The following SHANK2 variants were observed in gnomAD, a reference collection of about 807,000 sequenced individuals.
SHANK2 encodes SH3 and multiple ankyrin repeat domains protein 2.
A neutral mutation model predicts 133.7 loss-of-function variants in SHANK2; 43 were observed. The ratio of observed to expected loss-of-function variants is 0.32; its 90% CI spans 0.25 to 0.41. The LOEUF (loss-of-function observed/expected upper bound fraction) is 0.41, where lower values mean the gene tolerates loss of function less well. Among genes scored for constraint, SHANK2 ranks in the 10% least tolerant of loss-of-function variants. SHANK2 has a pLI of 1.00. For missense variants in SHANK2, 1,994 were observed against 2,235.8 expected (o/e 0.89, Z 2.18); for synonymous variants, 1,017 against 952.8 (o/e 1.07, Z -1.24).
chr11:70,867,936 A>G (rs921232737), intron 11 of SHANK2, among the ~76,000 whole-genome samples: 1 of 152,164 alleles, frequency 6.6e-6, no homozygotes, highest in Non-Finnish European at 1.5e-5. Context: ...GTTTGCTACC[A>G]CTTAATTCCA....
In SHANK2 at chr11:70,737,621, G is replaced by A. The variant is rs117408693; in HGVS notation, c.1778-38858C>T. On this transcript the variant is annotated intron_variant, in intron 14 of 25. Coordinates refer to ENST00000601538, the MANE Select transcript of SHANK2 (RefSeq NM_012309.5). ...GGAGACTGTCTGCAAAGGCTTCCGC[G>A]CTCCCTGACCCTCTAGAGAGGGCAG... is the stretch of plus-strand genomic sequence containing the variant. Among the ~76,000 whole-genome samples the A allele has an allele frequency of 5.4e-3, 830 of 152,300 alleles. 9 individuals are homozygous for A. The highest frequency in any genetic ancestry group is 0.01 in the Middle Eastern group (3 of 294).
rs1292300129 is a variant in SHANK2, at chr11:70,500,690, C to T, written c.2288-100G>A. Reference sequence around the variant, plus strand: ...CAGCTCAGGGCGCCTCAGGAGCAGGCTGGGCCGGCAATGGGGCGGCAGGCA... The same window carrying T: ...CAGCTCAGGGCGCCTCAGGAGCAGGTTGGGCCGGCAATGGGGCGGCAGGCA... On this transcript the variant is annotated intron_variant, in intron 20 of 25. Transcript: ENST00000601538. This position sits in a 1 kb window ranked among gnomAD's most constrained non-coding sequence, Gnocchi z 4.5. The T allele has an allele frequency of 2.0e-6, 3 of 1,511,886 alleles. No individual in the cohort carries two copies. Among genetic ancestry groups the T allele is most frequent in the Middle Eastern group, 1.7e-4 (1 of 5,918 alleles). 93.7% of individuals were successfully genotyped at this position (1,511,886 alleles called of 1,614,324 possible). A position where few individuals can be genotyped will look rare whatever the true frequency, so the allele number is the denominator to read the frequency against.
chr11:70,636,566 T>C (rs577575870), intron 17 of SHANK2, among the ~76,000 whole-genome samples: 59 of 65,760 alleles, frequency 9.0e-4, no homozygotes, highest in African/African-American at 4.4e-3. Context: ...TACATGTGCA[T>C]GTGTGTGTAT....
At chr11:70,515,530 G>C (rs181794107) in intron 17 of SHANK2, among the ~76,000 whole-genome samples, 1 of 151,092 alleles carries the variant, frequency 6.6e-6, no homozygotes, top group Non-Finnish European at 1.5e-5. Context: ...AGCCCGGAGC[G>C]GTGGCTCATG....
chr11:71,083,662 G>T (rs972900862), intron 8 of SHANK2, among the ~76,000 whole-genome samples: 3 of 152,142 alleles, frequency 2.0e-5, no homozygotes, highest in Non-Finnish European at 4.4e-5. Flanking sequence ...GGAAGGTACC[G>T]GGGTTCAGCA....
chr11:70,928,599 A>T (rs1427500628), intron 10 of SHANK2, among the ~76,000 whole-genome samples: 1 of 152,198 alleles, frequency 6.6e-6, no homozygotes, highest in African/African-American at 2.4e-5. Flanking sequence ...GTTTCAAAGC[A>T]GATCCCTGGG....
At chr11:70,632,562 T>C (rs1333103892) in intron 17 of SHANK2, among the ~76,000 whole-genome samples, 4 of 152,116 alleles carry the variant, frequency 2.6e-5, no homozygotes, top group African/African-American at 7.2e-5. Context: ...GTGATTGTTT[T>C]ATAGAACCGC....
intron 2 of SHANK2, among the ~76,000 whole-genome samples, chr11:71,221,084 C>T (rs1164772561): frequency 6.6e-6 from 1 of 151,752 alleles, no homozygotes; most frequent in Non-Finnish European, 1.5e-5. Context: ...GCCTGTAGTC[C>T]CAGCTACACA....
At chr11:70,816,983 TG>T (rs1948412411) in intron 12 of SHANK2, among the ~76,000 whole-genome samples, 1 of 152,184 alleles carries the variant, frequency 6.6e-6, no homozygotes, top group Non-Finnish European at 1.5e-5. Flanking sequence ...AAGCAAACAA[TG>T]TGCAGTGAAC....
chr11:70,612,543 G>A (rs529674978), intron 17 of SHANK2, among the ~76,000 whole-genome samples: 3 of 152,248 alleles, frequency 2.0e-5, no homozygotes, highest in African/African-American at 7.2e-5. Flanking sequence ...CTTTCTGATG[G>A]AACTTCATCC....
intron 1 of SHANK2, among the ~76,000 whole-genome samples, chr11:71,246,230 C>G (rs546908068): frequency 1.6e-3 from 238 of 152,198 alleles, no homozygotes; most frequent in Non-Finnish European, 3.1e-3. Flanking sequence ...TCCTTGGGCC[C>G]TAAGCCTCCC....
At position 71,148,146 on chromosome 11, in the gene SHANK2, G is replaced by A. The variant is rs548482337; in HGVS notation, c.-12-808C>T. On this transcript the variant is annotated intron_variant, in intron 2 of 25. Transcript: ENST00000601538. Reference sequence around the variant, plus strand: ...GTCGCCCAGGCTGGAGTGCAATGGCGTGATCTCGGCTCACCGCAACCTCCG... The same window carrying A: ...GTCGCCCAGGCTGGAGTGCAATGGCATGATCTCGGCTCACCGCAACCTCCG... Among the ~76,000 whole-genome samples the A allele has an allele frequency of 2.7e-4, 41 of 151,486 alleles. No homozygotes were observed. The South Asian group carries it at 6.5e-3, about 24-fold the overall frequency.
chr11:70,954,341 T>A lies in SHANK2; in HGVS notation c.1108-57774A>T, dbSNP rs529437738. ...GTGTCAGGCAGCCTTCATCACGGAC[T>A]GTCCCTCAACCACACAGTTGCCTCC... On this transcript the variant is annotated intron_variant, in intron 10 of 25. Transcript: ENST00000601538. Among the ~76,000 whole-genome samples the A allele has an allele frequency of 2.0e-5, 3 of 152,322 alleles. No homozygotes were observed. In the South Asian group the frequency reaches 6.2e-4, roughly 32 times the overall value.
intron 11 of SHANK2, chr11:70,864,408 C>T (rs1555068603): frequency 6.5e-6 from 1 of 152,996 alleles, no homozygotes; most frequent in African/African-American, 2.4e-5. Context: ...AGTCCCAGGG[C>T]CGCGGGGACT....
At chr11:70,757,164 A>T (rs192117045) in intron 14 of SHANK2, among the ~76,000 whole-genome samples, 14 of 152,354 alleles carry the variant, frequency 9.2e-5, no homozygotes, top group Admixed American at 2.6e-4. Context: ...CCTGAGCAGG[A>T]GAGACAGGAA....
At chr11:71,152,997 G>A (rs11232299) in intron 2 of SHANK2, among the ~76,000 whole-genome samples, 12,904 of 152,202 alleles carry the variant, frequency 0.085, 1,306 homozygotes, top group African/African-American at 0.24. Flanking sequence ...AAATAATTGC[G>A]TGGGACATTC....
At chr11:70,820,759 G>T (rs1183744110) in intron 11 of SHANK2, 77 bp from the exon 12 acceptor site, 15 of 597,712 alleles carry the variant, frequency 2.5e-5, no homozygotes, top group Non-Finnish European at 4.5e-5. Context: ...CTAGGGAGGT[G>T]CAGGCCTGCG....
At chr11:70,738,794 G>C (rs1278874185) in intron 14 of SHANK2, among the ~76,000 whole-genome samples, 1 of 152,264 alleles carries the variant, frequency 6.6e-6, no homozygotes, top group Non-Finnish European at 1.5e-5. Context: ...TTGGAGGGAA[G>C]TGGTAGTTTA....
chr11:70,485,885 T>G lies in SHANK2; in HGVS notation c.4408A>C (p.Asn1470His), dbSNP rs1555153141. 5 of 1,613,990 alleles carry G rather than the reference T, an allele frequency of 3.1e-6. No individual in the cohort carries two copies. Among genetic ancestry groups the G allele is most frequent in the Non-Finnish European group, 2.5e-6 (3 of 1,180,032 alleles). The change falls in exon 25 of 26, where the codon AAC becomes CAC. Residue 1470 changes from asparagine to histidine, a missense_variant. Asn to His is a moderately conservative substitution (Grantham distance 68). Transcript: ENST00000601538. The surrounding 1 kb of genome is among the most constrained non-coding windows in gnomAD (Gnocchi z 5.8). ...GGCAGGAATGAGGCAGGCAGACAGT[T>G]TGAAAGACTGGCTGGCTTCTTGCTG... ...ADSKKPASLS[N>H]CLPASFLPPP...
Sources: gnomAD v4.1 joint callset for allele counts (sites outside exome capture counted in the v4.1 genomes callset) on GRCh38, gnomAD v4.1.1 for gene constraint, Gnocchi (gnomAD v3.1) non-coding constraint, MANE v1.5 for transcripts, NCBI Gene and HGNC (gene_info 2026-07-23, HGNC 2026-07-21) for gene names.